Variants in PTPRT observed in about 807,000 individuals in gnomAD.
PTPRT encodes receptor-type tyrosine-protein phosphatase T.
PTPRT carries 56 observed loss-of-function variants against 176.8 expected under a neutral mutation model. That is an observed-to-expected ratio of 0.32 (90% CI 0.26 to 0.40). The LOEUF (loss-of-function observed/expected upper bound fraction) is 0.40. Ranked by LOEUF, PTPRT falls within the 10% of genes least tolerant of loss-of-function variation. PTPRT has a pLI of 1.00. For missense variants in PTPRT, 1,540 were observed against 1,908.2 expected (o/e 0.81, Z 3.60); for synonymous variants, 783 against 739.0 (o/e 1.06, Z -0.96).
chr20:42,514,322 T>C (rs2072019599), intron 7 of PTPRT, among the ~76,000 whole-genome samples: 1 of 152,258 alleles, frequency 6.6e-6, no homozygotes, highest in Non-Finnish European at 1.5e-5. Flanking sequence ...ATATGGGATA[T>C]GAAGTCATAT....
chr20:43,024,966 T>A (rs986293075), intron 1 of PTPRT, among the ~76,000 whole-genome samples: 1 of 152,242 alleles, frequency 6.6e-6, no homozygotes, highest in Non-Finnish European at 1.5e-5. Flanking sequence ...TCCCTGGCTC[T>A]TCTTTGCCAT....
intron 16 of PTPRT, among the ~76,000 whole-genome samples, chr20:42,185,652 T>C (rs1287843988): frequency 1.3e-5 from 2 of 152,190 alleles, no homozygotes; most frequent in East Asian, 1.9e-4. Flanking sequence ...AGGACAATAG[T>C]GTGTGATGTC....
At chr20:42,971,460 T>G (rs1448069369) in intron 1 of PTPRT, 1 of 152,210 alleles carries the variant, frequency 6.6e-6, no homozygotes, top group Non-Finnish European at 1.5e-5. Context: ...CTTCCTACTT[T>G]ACTTGGAATA....
At chr20:42,529,847 GAAA>G (rs140817588) in intron 7 of PTPRT, among the ~76,000 whole-genome samples, 3 of 108,492 alleles carry the variant, frequency 2.8e-5, no homozygotes, top group Non-Finnish European at 3.8e-5. Flanking sequence ...CTTGTTAGAG[GAAA>G]AAAAAAAAAA....
intron 22 of PTPRT, among the ~76,000 whole-genome samples, chr20:42,111,374 G>GT (rs989366482): frequency 6.6e-6 from 1 of 152,282 alleles, no homozygotes; most frequent in Middle Eastern, 3.4e-3. Context: ...CTTGTGCTAG[G>GT]TACTAGGAAG....
intron 1 of PTPRT, among the ~76,000 whole-genome samples, chr20:43,132,420 C>T (rs748112103): frequency 3.9e-5 from 6 of 152,108 alleles, no homozygotes; most frequent in African/African-American, 9.7e-5. Flanking sequence ...CAAAATCACC[C>T]GTAACCCTGG....
At chr20:42,748,632 G>A (rs914224759) in intron 6 of PTPRT, among the ~76,000 whole-genome samples, 36 of 152,200 alleles carry the variant, frequency 2.4e-4, no homozygotes, top group African/African-American at 7.0e-4. Flanking sequence ...TTATTGCACC[G>A]AGTGCAGTCC....
chr20:42,755,748 A>C (rs886690596), intron 6 of PTPRT, among the ~76,000 whole-genome samples: 2 of 152,218 alleles, frequency 1.3e-5, no homozygotes, highest in Non-Finnish European at 2.9e-5. Context: ...TGTTACATAC[A>C]CAAAGGAAAG....
At chr20:42,857,659 C>G (rs2078589345) in intron 2 of PTPRT, among the ~76,000 whole-genome samples, 1 of 152,128 alleles carries the variant, frequency 6.6e-6, no homozygotes, top group Non-Finnish European at 1.5e-5. Flanking sequence ...TGTGTCTCCT[C>G]TCAGCTGGGC....
intron 7 of PTPRT, among the ~76,000 whole-genome samples, chr20:42,619,781 TTCAGCTCCA>T (rs1260209520): frequency 2.3e-5 from 3 of 131,794 alleles, no homozygotes; most frequent in East Asian, 4.0e-4. Context: ...AGCCTTGGTT[TTCAGCTCCA>T]TCAGCTCCTT....
intron 1 of PTPRT, among the ~76,000 whole-genome samples, chr20:43,178,447 A>G (rs1040824405): frequency 6.6e-6 from 1 of 152,116 alleles, no homozygotes; most frequent in Non-Finnish European, 1.5e-5. Flanking sequence ...ATTCCAATAC[A>G]CACACTTTCT....
chr20:42,599,762 G>A (rs34027202), intron 7 of PTPRT, among the ~76,000 whole-genome samples: 50,117 of 151,918 alleles, frequency 0.33, 9,328 homozygotes, highest in African/African-American at 0.49. Context: ...ACTGACTCTG[G>A]GCATTAATTT....
intron 17 of PTPRT, among the ~76,000 whole-genome samples, chr20:42,149,094 T>C (rs1178623087): frequency 2.0e-5 from 3 of 152,180 alleles, no homozygotes; most frequent in Admixed American, 2.0e-4. Context: ...AAACCCAACT[T>C]GTTCACCTCC....
intron 14 of PTPRT, among the ~76,000 whole-genome samples, chr20:42,238,410 A>T (rs1253231055): frequency 6.6e-6 from 1 of 152,182 alleles, no homozygotes; most frequent in Non-Finnish European, 1.5e-5. Flanking sequence ...GATGATGAGA[A>T]GGTGAAGGAC....
chr20:42,545,184 G>A (rs1292316070), intron 7 of PTPRT, among the ~76,000 whole-genome samples: 1 of 152,174 alleles, frequency 6.6e-6, no homozygotes, highest in African/African-American at 2.4e-5. Context: ...CTATCCACCT[G>A]TGCTGGCAAA....
At chr20:43,120,746 A>C (rs1349115960) in intron 1 of PTPRT, among the ~76,000 whole-genome samples, 2 of 152,208 alleles carry the variant, frequency 1.3e-5, no homozygotes, top group Non-Finnish European at 2.9e-5. Flanking sequence ...ATATTCTTCC[A>C]GCCACTGCCA....
chr20:42,430,582 G>T (rs931507859), intron 9 of PTPRT, among the ~76,000 whole-genome samples: 2 of 152,210 alleles, frequency 1.3e-5, no homozygotes, highest in African/African-American at 4.8e-5. Flanking sequence ...GTATCATAAA[G>T]TTGGTGGCAG....
At chr20:42,494,669 C>A (rs956232413) in intron 7 of PTPRT, among the ~76,000 whole-genome samples, 1 of 151,972 alleles carries the variant, frequency 6.6e-6, no homozygotes, top group Admixed American at 6.6e-5. Flanking sequence ...TATTATTTCC[C>A]CCACCTTAGC....
intron 7 of PTPRT, among the ~76,000 whole-genome samples, chr20:42,640,590 T>C (rs757692229): frequency 2.0e-4 from 31 of 152,070 alleles, no homozygotes; most frequent in Non-Finnish European, 2.4e-4. Context: ...GTTTTCACCA[T>C]GTTGGCCAGG....
Sources: allele counts gnomAD v4.1 joint callset (sites outside exome capture counted in the v4.1 genomes callset), GRCh38; gene constraint gnomAD v4.1.1; transcripts MANE v1.5; gene names NCBI Gene and HGNC (gene_info 2026-07-23, HGNC 2026-07-21).